Variants in PCSK5 observed in about 807,000 individuals in gnomAD.
PCSK5 encodes proprotein convertase subtilisin/kexin type 5.
A neutral mutation model predicts 233.2 loss-of-function variants in PCSK5; 129 were observed. That is an observed-to-expected ratio of 0.55 (90% CI 0.48 to 0.64). The LOEUF (loss-of-function observed/expected upper bound fraction) is 0.64, where lower values mean the gene tolerates loss of function less well. PCSK5 is among the 30% of genes least tolerant of loss of function. The pLI is 0.00. For synonymous variants in PCSK5, 825 were observed against 879.2 expected (o/e 0.94, Z 1.09); for missense variants, 2,076 against 2,430.1 (o/e 0.85, Z 3.06).
intron 9 of PCSK5, among the ~76,000 whole-genome samples, chr9:76,107,664 C>G (rs1379903294): frequency 3.3e-5 from 5 of 152,166 alleles, no homozygotes; most frequent in African/African-American, 1.2e-4. Context: ...TGGGAATGTT[C>G]CTGAGCGTCC....
chr9:76,081,844 T>G (rs555661371), intron 7 of PCSK5, among the ~76,000 whole-genome samples: 1 of 152,148 alleles, frequency 6.6e-6, no homozygotes, highest in African/African-American at 2.4e-5. Context: ...TAGTAAGTCT[T>G]GCATGTACTG....
chr9:76,109,365 T>C (rs1334741804), intron 9 of PCSK5, among the ~76,000 whole-genome samples: 3 of 152,136 alleles, frequency 2.0e-5, no homozygotes, highest in Non-Finnish European at 4.4e-5. Context: ...AGCAACCTGA[T>C]ACTATAACTA....
intron 24 of PCSK5, among the ~76,000 whole-genome samples, chr9:76,279,159 G>A (rs1474015576): frequency 3.4e-5 from 5 of 146,016 alleles, no homozygotes; most frequent in African/African-American, 5.1e-5. Flanking sequence ...GAGAATATGC[G>A]GTGTTTGGTT....
chr9:76,104,861 T>C (rs941574990), intron 8 of PCSK5, among the ~76,000 whole-genome samples: 4 of 152,042 alleles, frequency 2.6e-5, no homozygotes, highest in Admixed American at 6.6e-5. Flanking sequence ...ATAGGAAGAA[T>C]GCAGGCAAGG....
At chr9:75,901,858 A>G (rs1352409030) in intron 1 of PCSK5, among the ~76,000 whole-genome samples, 1 of 152,144 alleles carries the variant, frequency 6.6e-6, no homozygotes, top group Non-Finnish European at 1.5e-5. Context: ...GAAAAAAGAA[A>G]AAATGAACCA....
intron 7 of PCSK5, among the ~76,000 whole-genome samples, chr9:76,082,945 A>C (rs1296351414): frequency 6.6e-6 from 1 of 152,130 alleles, no homozygotes; most frequent in African/African-American, 2.4e-5. Flanking sequence ...ACGGTGGCTC[A>C]TGCGTGTTAT....
chr9:75,913,137 A>G (rs1396216894), intron 1 of PCSK5, among the ~76,000 whole-genome samples: 2 of 149,030 alleles, frequency 1.3e-5, no homozygotes, highest in East Asian at 1.9e-4. Context: ...AGGATTCAGA[A>G]CAATGACTGG....
At chr9:76,210,974 A>T (rs3913046) in intron 20 of PCSK5, among the ~76,000 whole-genome samples, 1 of 151,824 alleles carries the variant, frequency 6.6e-6, no homozygotes. Flanking sequence ...GCACTCACCT[A>T]GATTGGAAGC....
At chr9:76,279,931 G>A (rs1827816314) in intron 24 of PCSK5, among the ~76,000 whole-genome samples, 1 of 151,880 alleles carries the variant, frequency 6.6e-6, no homozygotes, top group Non-Finnish European at 1.5e-5. Context: ...GATCCCATTT[G>A]TCAATTTTGT....
intron 20 of PCSK5, among the ~76,000 whole-genome samples, chr9:76,207,573 A>T (rs2131279933): frequency 6.6e-6 from 1 of 152,352 alleles, no homozygotes; most frequent in East Asian, 1.9e-4. Flanking sequence ...GTATATAAGG[A>T]TATAATAGAA....
chr9:76,041,075 T>C (rs1287604631), intron 5 of PCSK5, among the ~76,000 whole-genome samples: 1 of 152,186 alleles, frequency 6.6e-6, no homozygotes, highest in Non-Finnish European at 1.5e-5. Flanking sequence ...CTCAAGAGGT[T>C]GTGTGGATGG....
At chr9:76,036,777 C>T (rs1828876782) in intron 5 of PCSK5, among the ~76,000 whole-genome samples, 1 of 152,224 alleles carries the variant, frequency 6.6e-6, no homozygotes, top group African/African-American at 2.4e-5. Context: ...TGTTCTCACA[C>T]TGTCTGATTA....
At chr9:76,194,616 A>T (rs1587744408) in intron 20 of PCSK5, 2 of 321,972 alleles carry the variant, frequency 6.2e-6, no homozygotes, top group Non-Finnish European at 6.2e-6. Context: ...TTTTTTTTTT[A>T]AGAAATATTT....
chr9:75,903,779 C>T (rs1390269879), intron 1 of PCSK5, among the ~76,000 whole-genome samples: 1 of 151,472 alleles, frequency 6.6e-6, no homozygotes, highest in East Asian at 1.9e-4. Context: ...GGGAGATCCT[C>T]AACCAAAATA....
Position 76,134,180 on chromosome 9 carries a change from A to G in PCSK5, c.1280A>G (p.Asn427Ser). Residue 427 changes from asparagine (N) to serine (S), a missense_variant, in exon 10 of 38, where the codon AAT (asparagine) becomes AGT (serine). This residue lies in a region of PCSK5 where 178 missense variants were observed against 393.6 expected (regional missense o/e 0.45). Transcript: ENST00000674117. ...TCCCGTGCGGGACATTTGAACGCTA[A>G]TGACTGGAAAACCAATGCTGCTGGT... is the stretch of plus-strand genomic sequence containing the variant. ...RTSRAGHLNANDWKTNAAGFK... is the reference protein window; with the variant it reads ...RTSRAGHLNASDWKTNAAGFK... 6.2e-7 allele frequency: 1 copy of G among 1,608,892 alleles called. No individual in the cohort carries two copies. Among genetic ancestry groups the G allele is most frequent in the Non-Finnish European group, 8.5e-7 (1 of 1,177,102 alleles).
chr9:76,025,755 G>A (rs1828397663), intron 4 of PCSK5, among the ~76,000 whole-genome samples: 5 of 151,940 alleles, frequency 3.3e-5, no homozygotes, highest in Admixed American at 2.6e-4. Context: ...AAATTTAACT[G>A]AAAAAGACAT....
At chr9:76,007,362 T>C (rs4745483) in intron 3 of PCSK5, among the ~76,000 whole-genome samples, 6 of 152,220 alleles carry the variant, frequency 3.9e-5, no homozygotes, top group Admixed American at 3.9e-4. Flanking sequence ...TTATACTTTG[T>C]TGTTACAGAA....
chr9:76,159,084 G>A lies in PCSK5; in HGVS notation c.1532G>A (p.Arg511His), dbSNP rs765807770. The change falls in exon 12 of 38, where the codon CGC becomes CAC. Residue 511 changes from arginine (R) to histidine (H), a missense_variant. Arg to His is a conservative substitution (Grantham distance 29). Transcript: ENST00000674117. ...HVNYLEHVVV[R>H]ITITHPRRGD... ...AACTACCTGGAGCACGTCGTTGTGC[G>A]CATCACCATCACCCACCCCAGGAGA... 2.9e-5 allele frequency: 46 copies of A among 1,613,980 alleles called. No individual in the cohort carries two copies. In the Admixed American group the frequency reaches 3.0e-4, roughly 11 times the overall value.
intron 12 of PCSK5, among the ~76,000 whole-genome samples, chr9:76,167,127 C>T (rs943701071): frequency 6.6e-6 from 1 of 152,160 alleles, no homozygotes; most frequent in Non-Finnish European, 1.5e-5. Context: ...AAAAAGCTAC[C>T]ATCTTCATCC....
Sources: gnomAD v4.1 joint callset for allele counts (sites outside exome capture counted in the v4.1 genomes callset) on GRCh38, gnomAD v4.1.1 for gene constraint, gnomAD v4.1.1 regional missense constraint, MANE v1.5 for transcripts, NCBI Gene and HGNC (gene_info 2026-07-23, HGNC 2026-07-21) for gene names.